Variants in SWAP70 observed in about 807,000 individuals in gnomAD.
SWAP70 encodes the protein switching B cell complex subunit SWAP70, also known as switch-associated protein 70.
In SWAP70, 34 loss-of-function variants were observed where a neutral mutation model predicts 80.2. That is an observed-to-expected ratio of 0.42 (90% CI 0.32 to 0.56). The LOEUF is 0.56. SWAP70 is among the 20% of genes least tolerant of loss of function. The pLI, the probability that SWAP70 is intolerant of heterozygous loss-of-function variation, is 0.09. For synonymous variants in SWAP70, 239 were observed against 238.5 expected (o/e 1.00, Z -0.02); for missense variants, 578 against 690.7 (o/e 0.84, Z 1.83).
chr11:9,724,085 A>G (rs1174275593), intron 3 of SWAP70, among the ~76,000 whole-genome samples: 2 of 152,114 alleles, frequency 1.3e-5, no homozygotes, highest in South Asian at 2.1e-4. Context: ...AACTGCTATT[A>G]TTTCAATAGC....
intron 1 of SWAP70, among the ~76,000 whole-genome samples, chr11:9,676,704 C>A (rs1031568064): frequency 1.4e-5 from 2 of 145,458 alleles, no homozygotes; most frequent in Non-Finnish European, 3.0e-5. Context: ...GGCTGGAGTG[C>A]AGTGGCGCAA....
Position 9,693,185 on chromosome 11 carries a change from A to G in SWAP70, c.100-961A>G, listed in dbSNP as rs918314834. Among the ~76,000 whole-genome samples the G allele has an allele frequency of 2.6e-5, 4 of 152,354 alleles. No individual in the cohort carries two copies. In the East Asian group the frequency reaches 5.8e-4, roughly 22 times the overall value. ...AAGGAACGTTTTTACCTGGGGTTCA[A>G]CTAGGAAGATTCTCTGTTGAAGAAA... On this transcript the variant is annotated intron_variant, in intron 1 of 11. Transcript: ENST00000318950.
chr11:9,727,381 A>C (rs892775938), intron 4 of SWAP70, among the ~76,000 whole-genome samples: 2 of 151,996 alleles, frequency 1.3e-5, no homozygotes, highest in Non-Finnish European at 2.9e-5. Flanking sequence ...ACAGAGCGAC[A>C]CTCCTAAAAA....
chr11:9,691,558 C>T (rs1262108079), intron 1 of SWAP70, among the ~76,000 whole-genome samples: 1 of 152,172 alleles, frequency 6.6e-6, no homozygotes, highest in African/African-American at 2.4e-5. Context: ...ATATCTTCTG[C>T]AGTGGGATCA....
At chr11:9,680,388 T>C (rs1475220057) in intron 1 of SWAP70, among the ~76,000 whole-genome samples, 1 of 152,184 alleles carries the variant, frequency 6.6e-6, no homozygotes, top group African/African-American at 2.4e-5. Context: ...AAAGACTTAG[T>C]ACCAAAACAA....
intron 3 of SWAP70, among the ~76,000 whole-genome samples, chr11:9,714,905 C>A (rs1215696718): frequency 1.3e-5 from 2 of 149,556 alleles, no homozygotes; most frequent in Non-Finnish European, 3.0e-5. Context: ...CTCCACCTCC[C>A]AGGTTCAAAT....
chr11:9,743,046 C>A (rs1304281018), intron 9 of SWAP70, among the ~76,000 whole-genome samples: 3 of 115,150 alleles, frequency 2.6e-5, no homozygotes, highest in Non-Finnish European at 5.4e-5. Context: ...CTATCCCTCC[C>A]CCCTCCCCCC....
At chr11:9,676,140 A>C (rs1850497722) in intron 1 of SWAP70, among the ~76,000 whole-genome samples, 1 of 152,238 alleles carries the variant, frequency 6.6e-6, no homozygotes. Flanking sequence ...ATTCATGAAT[A>C]GTCCTTTCTT....
intron 3 of SWAP70, among the ~76,000 whole-genome samples, chr11:9,716,106 A>G (rs551112369): frequency 2.6e-4 from 39 of 152,322 alleles, no homozygotes; most frequent in Non-Finnish European, 5.1e-4. Context: ...CTGGAACATG[A>G]TGGCTGTGAA....
chr11:9,688,807 A>T (rs1435463), intron 1 of SWAP70, among the ~76,000 whole-genome samples: 2 of 151,798 alleles, frequency 1.3e-5, no homozygotes, highest in African/African-American at 4.8e-5. Flanking sequence ...TTAAGCAGTG[A>T]CAAGCAGGAT....
chr11:9,745,683 A>G (rs919117722), intron 9 of SWAP70, among the ~76,000 whole-genome samples: 6 of 152,202 alleles, frequency 3.9e-5, no homozygotes, highest in Non-Finnish European at 7.3e-5. Context: ...TAAACACCTT[A>G]TGTGCATTAT....
chr11:9,726,614 T>G (rs1851228440), intron 4 of SWAP70, among the ~76,000 whole-genome samples: 1 of 152,228 alleles, frequency 6.6e-6, no homozygotes, highest in South Asian at 2.1e-4. Context: ...TGATTAGAAC[T>G]TAATATAATA....
Position 9,664,234 on chromosome 11 carries a change from C to T in SWAP70, c.55C>T (p.Leu19Phe). The change falls in exon 1 of 12, where the codon CTC (leucine) becomes TTC (phenylalanine). Residue 19 changes from leucine (L) to phenylalanine (F), a missense_variant. Physicochemically the swap from Leu to Phe is conservative, Grantham distance 22. Transcript: ENST00000318950. Reference protein sequence around the residue: ...LKAIWHAFTALDQDHSGKVSK... With the variant: ...LKAIWHAFTAFDQDHSGKVSK... ...AGCCATCTGGCACGCCTTCACCGCA[C>T]TCGACCAGGACCACAGCGGCAAGGT... 1.3e-6 allele frequency: 2 copies of T among 1,595,426 alleles called. No individual in the cohort carries two copies. Among genetic ancestry groups the T allele is most frequent in the Non-Finnish European group, 1.7e-6 (2 of 1,171,574 alleles).
intron 4 of SWAP70, among the ~76,000 whole-genome samples, chr11:9,725,638 C>G (rs1279576266): frequency 7.2e-6 from 1 of 138,132 alleles, no homozygotes; most frequent in Admixed American, 8.0e-5. Flanking sequence ...GTGGCATGAT[C>G]TTGGCTCACT....
chr11:9,736,445 C>G (rs1851364023), intron 7 of SWAP70, among the ~76,000 whole-genome samples: 1 of 151,946 alleles, frequency 6.6e-6, no homozygotes, highest in South Asian at 2.1e-4. Context: ...TTGTAGAAAA[C>G]TAGACATTTT....
chr11:9,723,670 A>G (rs1194989702), intron 3 of SWAP70, among the ~76,000 whole-genome samples: 1 of 152,016 alleles, frequency 6.6e-6, no homozygotes, highest in Non-Finnish European at 1.5e-5. Flanking sequence ...AGAGCACTGT[A>G]TAGGATATTT....
At chr11:9,735,618 C>T (rs1030484078) in intron 7 of SWAP70, among the ~76,000 whole-genome samples, 3 of 152,120 alleles carry the variant, frequency 2.0e-5, no homozygotes, top group Non-Finnish European at 4.4e-5. Context: ...ATTCACTGTG[C>T]CGGAAGAAAA....
chr11:9,726,051 A>T (rs1851221573), intron 4 of SWAP70, among the ~76,000 whole-genome samples: 1 of 152,036 alleles, frequency 6.6e-6, no homozygotes, highest in African/African-American at 2.4e-5. Flanking sequence ...GTTTACAGTG[A>T]TCACCTCTAG....
chr11:9,737,596 C>T (rs994950432), intron 7 of SWAP70, among the ~76,000 whole-genome samples: 1 of 152,176 alleles, frequency 6.6e-6, no homozygotes, highest in African/African-American at 2.4e-5. Context: ...CAAGAAATAG[C>T]TCTCAAATCT....
Sources: gnomAD v4.1 joint callset for allele counts (sites outside exome capture counted in the v4.1 genomes callset) on GRCh38, gnomAD v4.1.1 for gene constraint, MANE v1.5 for transcripts, NCBI Gene and HGNC (gene_info 2026-07-23, HGNC 2026-07-21) for gene names.